The following SLC17A8 variants were observed in gnomAD, a reference collection of about 807,000 sequenced individuals.
SLC17A8 encodes the protein vesicular glutamate transporter 3.
SLC17A8 carries 31 observed loss-of-function variants against 58.0 expected under a neutral mutation model. That is an observed-to-expected ratio of 0.53 (90% CI 0.40 to 0.72). The LOEUF (loss-of-function observed/expected upper bound fraction) is 0.72. SLC17A8 is among the 30% of genes least tolerant of loss of function. The pLI is 0.00. For synonymous variants in SLC17A8, 228 were observed against 249.0 expected, an observed-to-expected ratio of 0.92 and a Z score of 0.79; for missense variants, 655 against 727.8, an observed-to-expected ratio of 0.90 and a Z score of 1.15.
chr12:100,360,658 A>G (rs972223043), intron 1 of SLC17A8, among the ~76,000 whole-genome samples: 1 of 152,246 alleles, frequency 6.6e-6, no homozygotes, highest in Admixed American at 6.5e-5. Context: ...GCCCAAGGTC[A>G]CACAGCTATA....
Position 100,391,066 on chromosome 12 carries a change from T to C in SLC17A8, c.420T>C (p.Tyr140=). 6.2e-7 allele frequency: 1 copy of C among 1,614,020 alleles called. No individual in the cohort carries two copies. Among genetic ancestry groups the C allele is most frequent in the Non-Finnish European group, 8.5e-7 (1 of 1,179,924 alleles). The change falls in exon 3 of 12, where the codon TAT becomes TAC. Residue 140 remains tyrosine, a synonymous_variant. Coordinates refer to ENST00000323346, the MANE Select transcript of SLC17A8 (RefSeq NM_139319.3). The part of the protein sequence containing the change: ...GLIHGSFFWG[Y]IMTQIPGGFI... Reference sequence around the variant, plus strand: ...TCCATGGATCTTTTTTCTGGGGCTATATTATGACACAAATTCCAGGTGGTT... The same window carrying C: ...TCCATGGATCTTTTTTCTGGGGCTACATTATGACACAAATTCCAGGTGGTT...
intron 1 of SLC17A8, among the ~76,000 whole-genome samples, chr12:100,368,584 A>G (rs917608288): frequency 8.5e-5 from 13 of 152,082 alleles, no homozygotes; most frequent in Non-Finnish European, 1.9e-4. Context: ...TACTCCCTCC[A>G]AATCTAGTAC....
At chr12:100,385,116 C>CTGTG (rs373349125) in intron 2 of SLC17A8, among the ~76,000 whole-genome samples, 38 of 148,960 alleles carry the variant, frequency 2.6e-4, no homozygotes, top group Middle Eastern at 3.4e-3. Flanking sequence ...CTCTCTCTCT[C>CTGTG]TGTGTGTGTG....
At chr12:100,386,826 T>C (rs1033104049) in intron 2 of SLC17A8, among the ~76,000 whole-genome samples, 4 of 151,976 alleles carry the variant, frequency 2.6e-5, no homozygotes, top group African/African-American at 7.3e-5. Flanking sequence ...GTAGTTGGGA[T>C]TACAGGCATG....
intron 5 of SLC17A8, among the ~76,000 whole-genome samples, chr12:100,399,540 C>T (rs557524361): frequency 1.0e-3 from 157 of 152,074 alleles, no homozygotes; most frequent in Middle Eastern, 3.4e-3. Flanking sequence ...CTTACAATCA[C>T]GGCAGGAGGC....
chr12:100,404,906 G>T (rs1189646688), intron 9 of SLC17A8, among the ~76,000 whole-genome samples: 1 of 152,230 alleles, frequency 6.6e-6, no homozygotes, highest in Non-Finnish European at 1.5e-5. Context: ...TACCGCCAAA[G>T]CTCTTAGTTT....
At chr12:100,385,320 T>C (rs778914850) in intron 2 of SLC17A8, among the ~76,000 whole-genome samples, 1 of 140,880 alleles carries the variant, frequency 7.1e-6, no homozygotes, top group Admixed American at 7.7e-5. Flanking sequence ...CACTGCGACC[T>C]CCACCTCCCC....
chr12:100,402,742 T>G lies in SLC17A8; in HGVS notation c.1050T>G (p.Ser350Arg). The change falls in exon 8 of 12, where the codon AGT becomes AGG. Residue 350 changes from serine (S) to arginine (R), a missense_variant. Ser to Arg is a moderately radical substitution (Grantham distance 110). Coordinates refer to ENST00000323346, the MANE Select transcript of SLC17A8 (RefSeq NM_139319.3). ...AAGAGGTCTTTGGATTTGCAATAAG[T>G]AAGGTAAACACACAGATGCTCCAAA... ...YFEEVFGFAI[S>R]KVGLLSAVPH... The G allele has an allele frequency of 6.2e-7, 1 of 1,613,704 alleles. No individual in the cohort carries two copies. Among genetic ancestry groups the G allele is most frequent in the Non-Finnish European group, 8.5e-7 (1 of 1,179,890 alleles).
chr12:100,402,993 G>C (rs1208521039), intron 8 of SLC17A8, among the ~76,000 whole-genome samples: 1 of 152,198 alleles, frequency 6.6e-6, no homozygotes, highest in Non-Finnish European at 1.5e-5. Flanking sequence ...CAATCTTAGA[G>C]TGTTTTTGAA....
intron 9 of SLC17A8, among the ~76,000 whole-genome samples, chr12:100,408,929 AAAGT>A (rs1410412108): frequency 3.3e-5 from 5 of 152,236 alleles, no homozygotes; most frequent in Non-Finnish European, 5.9e-5. Context: ...TATAGTTTTA[AAAGT>A]AAGACTTCCC....
At chr12:100,369,352 G>A (rs557841193) in intron 1 of SLC17A8, among the ~76,000 whole-genome samples, 2 of 152,308 alleles carry the variant, frequency 1.3e-5, no homozygotes, top group Non-Finnish European at 1.5e-5. Context: ...TCTGGATGCT[G>A]TATTCTCCAG....
rs1176454963 is a variant in SLC17A8, at chr12:100,402,373, T to C, written c.797T>C (p.Leu266Pro). The C allele has an allele frequency of 6.2e-7, 1 of 1,614,174 alleles. No homozygotes were observed. The change falls in exon 7 of 12, where the codon CTG (leucine) becomes CCG (proline). Residue 266 changes from leucine (L) to proline (P), a missense_variant. By Grantham distance (98) the Leu-to-Pro change is moderately conservative (BLOSUM62 -3). Coordinates refer to ENST00000323346, the MANE Select transcript of SLC17A8 (RefSeq NM_139319.3). ...GGGATTATTTGGTACATGTTTTGGC[T>C]GTTGCAGGCCTATGAGTGCCCAGCA... ...MFGIIWYMFW[L>P]LQAYECPAAH...
chr12:100,370,701 G>C (rs1952553395), intron 1 of SLC17A8, among the ~76,000 whole-genome samples: 3 of 151,412 alleles, frequency 2.0e-5, no homozygotes, highest in Non-Finnish European at 4.4e-5. Flanking sequence ...ATGGCCATTG[G>C]GCTTTCAGCT....
chr12:100,410,018 TGG>T (rs1952855332), intron 9 of SLC17A8, among the ~76,000 whole-genome samples: 1 of 152,116 alleles, frequency 6.6e-6, no homozygotes, highest in Non-Finnish European at 1.5e-5. Flanking sequence ...AGAAAGACAG[TGG>T]TATTGAGAAT....
intron 1 of SLC17A8, among the ~76,000 whole-genome samples, chr12:100,362,097 G>A (rs1488473754): frequency 6.6e-6 from 1 of 152,234 alleles, no homozygotes; most frequent in Non-Finnish European, 1.5e-5. Context: ...TTTGGGGCAA[G>A]TGGGGCAGCC....
chr12:100,392,855 A>T (rs1246736028), intron 3 of SLC17A8, among the ~76,000 whole-genome samples: 3 of 152,178 alleles, frequency 2.0e-5, no homozygotes, highest in Non-Finnish European at 4.4e-5. Context: ...AGCAGGAAAC[A>T]ACCTCAAACA....
Position 100,367,545 on chromosome 12 carries a change from T to A in SLC17A8, c.101+10053T>A, listed in dbSNP as rs572405862. The stretch of plus-strand genomic sequence containing the variant: ...TCCTGGAATGGATAATTTTTTATTC[T>A]TTTATTTATTTATTTATTTATTTGA... On this transcript the variant is annotated intron_variant, in intron 1 of 11. Transcript: ENST00000323346. 4.6e-4 allele frequency among the ~76,000 whole-genome samples: 70 copies of A among 152,250 alleles called. 1 individual carries two copies. The highest frequency in any genetic ancestry group is 1.2e-3 in the African/African-American group (50 of 41,558).
At chr12:100,360,826 G>T (rs1952479385) in intron 1 of SLC17A8, among the ~76,000 whole-genome samples, 1 of 152,190 alleles carries the variant, frequency 6.6e-6, no homozygotes, top group Non-Finnish European at 1.5e-5. Flanking sequence ...GGACTGCAAT[G>T]TAGCCAGCAA....
At chr12:100,385,393 G>A (rs1008987701) in intron 2 of SLC17A8, among the ~76,000 whole-genome samples, 2 of 151,856 alleles carry the variant, frequency 1.3e-5, no homozygotes, top group Admixed American at 6.6e-5. Context: ...ATGCCACAAC[G>A]CCCAGCTAAT....
Sources: gnomAD v4.1 joint callset for allele counts (sites outside exome capture counted in the v4.1 genomes callset) on GRCh38, gnomAD v4.1.1 for gene constraint, MANE v1.5 for transcripts, NCBI Gene and HGNC (gene_info 2026-07-23, HGNC 2026-07-21) for gene names.